The following UBE2H variants were observed in gnomAD, a reference collection of about 807,000 sequenced individuals.
UBE2H encodes ubiquitin-conjugating enzyme E2 H.
Under a neutral mutation model 29.0 loss-of-function variants are expected in UBE2H, and 3 were observed. That is an observed-to-expected ratio of 0.10 (90% CI 0.05 to 0.27). The LOEUF (loss-of-function observed/expected upper bound fraction) is 0.27. Ranked by LOEUF, UBE2H falls within the 10% of genes least tolerant of loss-of-function variation. UBE2H has a pLI of 1.00. For missense variants in UBE2H, 68 were observed against 228.2 expected, an observed-to-expected ratio of 0.30 and a Z score of 4.52; for synonymous variants, 69 against 82.9, an observed-to-expected ratio of 0.83 and a Z score of 0.91.
chr7:129,918,952 T>C (rs1807098714), intron 1 of UBE2H, among the ~76,000 whole-genome samples: 1 of 151,864 alleles, frequency 6.6e-6, no homozygotes, highest in Admixed American at 6.6e-5. Flanking sequence ...GGTGTGGTAG[T>C]ATACGCCTAT....
chr7:129,854,176 GAACT>G (rs1303474678), intron 5 of UBE2H, among the ~76,000 whole-genome samples: 2 of 146,282 alleles, frequency 1.4e-5, no homozygotes, highest in South Asian at 2.2e-4. Context: ...CACCAATTAT[GAACT>G]AACCTTCAAT....
intron 5 of UBE2H, among the ~76,000 whole-genome samples, chr7:129,845,707 A>G (rs1290166386): frequency 6.6e-6 from 1 of 152,234 alleles, no homozygotes; most frequent in Non-Finnish European, 1.5e-5. Flanking sequence ...CAGCAAACAG[A>G]AAGCTGGCTC....
At chr7:129,879,057 T>A (rs1806204518) in intron 3 of UBE2H, among the ~76,000 whole-genome samples, 1 of 151,982 alleles carries the variant, frequency 6.6e-6, no homozygotes, top group African/African-American at 2.4e-5. Context: ...CCCACTGAGG[T>A]TTCTATTCTT....
chr7:129,846,722 G>A (rs370905223), intron 5 of UBE2H, among the ~76,000 whole-genome samples: 13 of 152,106 alleles, frequency 8.5e-5, no homozygotes, highest in African/African-American at 2.4e-4. Context: ...TTTGTTTTTC[G>A]GACTTAATAC....
chr7:129,916,117 G>A (rs1464973), intron 1 of UBE2H, among the ~76,000 whole-genome samples: 87,969 of 151,936 alleles, frequency 0.58, 26,004 homozygotes, highest in Middle Eastern at 0.69. Flanking sequence ...TTAACTTTTC[G>A]TCAAATGACT....
chr7:129,908,114 G>A (rs1806856808), intron 1 of UBE2H, among the ~76,000 whole-genome samples: 1 of 152,180 alleles, frequency 6.6e-6, no homozygotes, highest in African/African-American at 2.4e-5. Context: ...TGGATATGGT[G>A]CTAAATGAAG....
At chr7:129,945,176 C>T (rs1235703794) in intron 1 of UBE2H, among the ~76,000 whole-genome samples, 2 of 152,174 alleles carry the variant, frequency 1.3e-5, no homozygotes, top group African/African-American at 4.8e-5. Context: ...TGTCTCCTCT[C>T]TTGATAAGGA....
chr7:129,864,556 C>CTTCT (rs1554432161), intron 3 of UBE2H, among the ~76,000 whole-genome samples: 1 of 130,976 alleles, frequency 7.6e-6, no homozygotes, highest in Non-Finnish European at 1.6e-5. Context: ...TCTTTTCTTT[C>CTTCT]TTTTTTTTTT....
intron 1 of UBE2H, among the ~76,000 whole-genome samples, chr7:129,895,277 C>T (rs888682828): frequency 2.0e-5 from 3 of 152,130 alleles, no homozygotes; most frequent in African/African-American, 4.8e-5. Context: ...AAGGGAAGCA[C>T]AGGCGGAAGA....
chr7:129,909,019 A>G (rs187307803), intron 1 of UBE2H, among the ~76,000 whole-genome samples: 8 of 152,336 alleles, frequency 5.3e-5, no homozygotes, highest in Non-Finnish European at 8.8e-5. Context: ...TCTGAAGTAC[A>G]CTATTTAACT....
intron 1 of UBE2H, among the ~76,000 whole-genome samples, chr7:129,941,258 G>T (rs1807636319): frequency 6.6e-6 from 1 of 152,052 alleles, no homozygotes; most frequent in African/African-American, 2.4e-5. Flanking sequence ...GCCCAGGCTG[G>T]TTGGTCTCGA....
intron 5 of UBE2H, among the ~76,000 whole-genome samples, chr7:129,847,027 TATTA>T (rs1805524327): frequency 9.3e-5 from 13 of 139,982 alleles, no homozygotes; most frequent in Admixed American, 4.3e-4. Context: ...TTATTATTAT[TATTA>T]TTTTTTGAGA....
chr7:129,910,922 C>T (rs1226978811), intron 1 of UBE2H, among the ~76,000 whole-genome samples: 1 of 151,808 alleles, frequency 6.6e-6, no homozygotes, highest in Non-Finnish European at 1.5e-5. Context: ...ACTCTGGCAG[C>T]CAAGATGAAA....
At position 129,952,529 on chromosome 7, in the gene UBE2H, C is replaced by T; in HGVS notation, c.27G>A (p.Arg9=). 1 of 1,613,158 alleles carries T rather than the reference C, an allele frequency of 6.2e-7. No homozygotes were observed. The highest frequency in any genetic ancestry group is 8.5e-7 in the Non-Finnish European group (1 of 1,179,470). The change falls in exon 1 of 7, where the codon AGG becomes AGA. Residue 9 remains arginine (R), a synonymous_variant. Coordinates refer to ENST00000355621, the MANE Select transcript of UBE2H (RefSeq NM_003344.4). The part of the protein sequence containing the change: MSSPSPGK[R]RMDTDVVKLI... ...GCTTGACCACGTCCGTGTCCATCCG[C>T]CTCTTGCCCGGACTGGGAGATGACA... is the stretch of plus-strand genomic sequence containing the variant.
chr7:129,919,639 C>A (rs527340072), intron 1 of UBE2H, among the ~76,000 whole-genome samples: 1 of 152,298 alleles, frequency 6.6e-6, no homozygotes, highest in South Asian at 2.1e-4. Context: ...TTGGAACAGC[C>A]CCATTTCCCT....
At position 129,918,223 on chromosome 7, in the gene UBE2H, T is replaced by C. The variant is rs117469721; in HGVS notation, c.53+34280A>G. Among the ~76,000 whole-genome samples, 51 of 152,042 alleles carry C rather than the reference T, an allele frequency of 3.4e-4. No homozygotes were observed. The East Asian group carries it at 7.9e-3, about 24-fold the overall frequency. On this transcript the variant is annotated intron_variant, in intron 1 of 6. Transcript: ENST00000355621. ...TATATATACATGCACGCACATACAG[T>C]TGATTAACAGGAGGCACTCCAGCTT...
chr7:129,873,000 G>A (rs1213314723), intron 3 of UBE2H, among the ~76,000 whole-genome samples: 2 of 151,808 alleles, frequency 1.3e-5, no homozygotes, highest in Admixed American at 6.6e-5. Flanking sequence ...CAATTTTAAA[G>A]GCCATTAATA....
chr7:129,857,699 T>C (rs1401265677), intron 4 of UBE2H, 136 bp from the exon 5 acceptor site: 1 of 909,758 alleles, frequency 1.1e-6, no homozygotes, highest in East Asian at 2.6e-5. Context: ...TGGGGAAAAG[T>C]ATGATGAGGA....
rs1234319394 is a variant in UBE2H at position 129,855,426 on chromosome 7, C to CA, written c.298+2084dup. Among the ~76,000 whole-genome samples the CA allele has an allele frequency of 3.3e-5, 5 of 152,102 alleles. No homozygotes were observed. In the East Asian group the frequency reaches 5.8e-4, roughly 18 times the overall value. On this transcript the variant is annotated intron_variant, in intron 5 of 6. Transcript: ENST00000355621. ...GCAGCCTGCCATGAGACATTTTTAC[C>CA]AAAAAAACCATCTTAAAAGGAATCC...
Sources: gnomAD v4.1 joint callset for allele counts (sites outside exome capture counted in the v4.1 genomes callset) on GRCh38, gnomAD v4.1.1 for gene constraint, MANE v1.5 for transcripts, NCBI Gene and HGNC (gene_info 2026-07-23, HGNC 2026-07-21) for gene names.